The following DST variants were observed in gnomAD, a reference collection of about 807,000 sequenced individuals.
DST encodes the protein bullous pemphigoid antigen.
Under a neutral mutation model 875.2 loss-of-function variants are expected in DST, and 253 were observed. The observed-to-expected ratio is 0.29, with a 90% CI of 0.26 to 0.32. DST has a LOEUF of 0.32. DST is among the 10% of genes least tolerant of loss of function. The probability of loss-of-function intolerance (pLI) is 1.00; values close to 1 mark genes in which losing one functional copy is unlikely to be tolerated. For missense variants in DST, 8,287 were observed against 9,111.6 expected (o/e 0.91, Z 3.68); for synonymous variants, 3,124 against 3,197.1 (o/e 0.98, Z 0.77).
rs759634852 is a variant in DST at position 56,593,647 on chromosome 6, A to T, written c.12726+16T>A. 6.1e-6 allele frequency: 9 copies of T among 1,464,722 alleles called. No homozygotes were observed. The South Asian group carries it at 1.3e-4, about 21-fold the overall frequency. 90.7% of individuals were successfully genotyped at this position (1,464,722 alleles called of 1,614,324 possible). The stretch of plus-strand genomic sequence containing the variant: ...TGCAGATTGACTTTTCCCTTAAAAA[A>T]TCAAAATAACATTACCTTAGAGTAG... On this transcript the variant is annotated intron_variant, in intron 48 of 103. Transcript: ENST00000680361.
chr6:56,943,430 CTT>C (rs1408845257), intron 2 of DST, among the ~76,000 whole-genome samples: 8 of 135,946 alleles, frequency 5.9e-5, no homozygotes, highest in Admixed American at 7.3e-5. Context: ...TTTTCTTTTT[CTT>C]TTTTTTTTTT....
At chr6:56,615,633 A>T (rs146838373) in intron 36 of DST, 5 of 1,613,962 alleles carry the variant, frequency 3.1e-6, no homozygotes, top group Non-Finnish European at 3.4e-6. Context: ...TTATATGTCA[A>T]CTTTCTTTTT....
At chr6:56,488,109 A>G (rs560380288) in intron 86 of DST, among the ~76,000 whole-genome samples, 34 of 152,364 alleles carry the variant, frequency 2.2e-4, no homozygotes, top group Non-Finnish European at 2.9e-4. Context: ...CACAATTACA[A>G]TCACATTATT....
Position 56,497,901 on chromosome 6 carries a change from T to C in DST, c.20049A>G (p.Glu6683=), listed in dbSNP as rs746982969. 37 of 1,612,984 alleles carry C rather than the reference T, an allele frequency of 2.3e-5. No homozygotes were observed. The East Asian group carries it at 8.0e-4, about 35-fold the overall frequency. The change falls in exon 81 of 104, where the codon GAA becomes GAG. Residue 6683 remains glutamate (E), a synonymous_variant. Coordinates refer to ENST00000680361, the MANE Select transcript of DST (RefSeq NM_001374736.1). ...GCTGCTGCTTCCTTTGTTCTGTTTT[T>C]TCCAAAACATTTTGCCAGCGTTGAT... The part of the protein sequence containing the change: ...VLNQRWQNVL[E]KTEQRKQQLD...
chr6:56,950,134 G>A (rs753090037), intron 2 of DST, among the ~76,000 whole-genome samples: 2 of 152,206 alleles, frequency 1.3e-5, no homozygotes, highest in Non-Finnish European at 2.9e-5. Context: ...GATAATTCTT[G>A]TGTTACTCAG....
chr6:56,718,860 T>C (rs1403681359), intron 5 of DST, among the ~76,000 whole-genome samples: 1 of 152,176 alleles, frequency 6.6e-6, no homozygotes, highest in Non-Finnish European at 1.5e-5. Flanking sequence ...GACAAATCCA[T>C]TGATACGGAA....
intron 4 of DST, among the ~76,000 whole-genome samples, chr6:56,778,135 CTTCTACTAGCATAG>C (rs2099683156): frequency 6.6e-6 from 1 of 152,056 alleles, no homozygotes; most frequent in South Asian, 2.1e-4. Flanking sequence ...CCAAGGAGTG[CTTCTACTAGCATAG>C]TTCTTTAAGT....
At chr6:56,534,814 T>C (rs1332176586) in intron 63 of DST, among the ~76,000 whole-genome samples, 3 of 152,170 alleles carry the variant, frequency 2.0e-5, no homozygotes, top group African/African-American at 7.2e-5. Context: ...CTTGCTAACT[T>C]ATCACCATTC....
At chr6:56,633,128 T>A in intron 27 of DST, 91 bp from the exon 28 acceptor site, 1 of 952,430 alleles carries the variant, frequency 1.0e-6, no homozygotes, top group South Asian at 1.3e-5. Context: ...TATATGCCAA[T>A]CTAAACGAAT....
chr6:56,698,547 G>A (rs1218494186), intron 9 of DST, among the ~76,000 whole-genome samples: 1 of 152,134 alleles, frequency 6.6e-6, no homozygotes, highest in Non-Finnish European at 1.5e-5. Flanking sequence ...GGATGGTCTT[G>A]ATCTCCTGAC....
intron 13 of DST, among the ~76,000 whole-genome samples, 182 bp downstream of exon 13, chr6:56,648,388 T>A (rs2098956334): frequency 6.6e-6 from 1 of 152,194 alleles, no homozygotes; most frequent in South Asian, 2.1e-4. Flanking sequence ...GTTTTAATTG[T>A]TAATGTTTTA....
chr6:56,765,826 C>CT (rs1178121635), intron 4 of DST, among the ~76,000 whole-genome samples: 8 of 152,206 alleles, frequency 5.3e-5, no homozygotes, highest in Admixed American at 2.0e-4. Context: ...TTTTATTCAA[C>CT]TTTCCTAAGC....
chr6:56,707,501 G>A lies in DST; in HGVS notation c.688-3132C>T, dbSNP rs1171706059. Among the ~76,000 whole-genome samples the A allele has an allele frequency of 2.6e-5, 4 of 152,186 alleles. No homozygotes were observed. The East Asian group carries it at 7.7e-4, about 29-fold the overall frequency. On this transcript the variant is annotated intron_variant, in intron 5 of 103. Coordinates refer to ENST00000680361, the MANE Select transcript of DST (RefSeq NM_001374736.1). ...TTATTGTGCAGGTCTGATATCCTCA[G>A]TACACAGAAGGACAGTAGAATCCAA...
chr6:56,782,812 T>C (rs987695858), intron 4 of DST, among the ~76,000 whole-genome samples: 4 of 152,218 alleles, frequency 2.6e-5, no homozygotes, highest in African/African-American at 9.6e-5. Context: ...TTAATTGTGA[T>C]GTTAGGGTAT....
At position 56,844,512 on chromosome 6, in the gene DST, A is replaced by G. The variant is rs115449536; in HGVS notation, c.625+6885T>C. 9.0e-3 allele frequency among the ~76,000 whole-genome samples: 1,364 copies of G among 152,336 alleles called. 22 individuals are homozygous for G. The highest frequency in any genetic ancestry group is 0.031 in the African/African-American group (1,298 of 41,572). On this transcript the variant is annotated intron_variant, in intron 4 of 103. Transcript: ENST00000680361. ...ATTAGATATATGTGTATCATATACTAAAGTGGGTGAGTTTAAGCGTCCATT... is the reference window on the plus strand; with the variant it reads ...ATTAGATATATGTGTATCATATACTGAAGTGGGTGAGTTTAAGCGTCCATT...
intron 27 of DST, among the ~76,000 whole-genome samples, chr6:56,633,484 C>G (rs1276269852): frequency 6.6e-6 from 1 of 151,642 alleles, no homozygotes; most frequent in Non-Finnish European, 1.5e-5. Flanking sequence ...CCTCGGCCTC[C>G]CAAAGTGCTG....
intron 4 of DST, among the ~76,000 whole-genome samples, chr6:56,764,472 G>A (rs1157783464): frequency 2.6e-5 from 4 of 152,096 alleles, no homozygotes; most frequent in Admixed American, 6.6e-5. Context: ...CTGGCTGCAG[G>A]TGCGGTATGT....
chr6:56,572,820 T>C lies in DST; in HGVS notation c.13481A>G (p.Glu4494Gly). Reference sequence around the variant, plus strand: ...TTCAGTAAGAGCCTGAGTTTTTGTTTCTAAAAATGTCTGGAGCTTTTCTGA... The same window carrying C: ...TTCAGTAAGAGCCTGAGTTTTTGTTCCTAAAAATGTCTGGAGCTTTTCTGA... ...NLSEKLQTFL[E>G]TKTQALTEVD... is the part of the protein sequence containing the mutation. Residue 4494 changes from glutamate to glycine, a missense_variant, in exon 52 of 104, where the codon GAA becomes GGA. By Grantham distance (98) the Glu-to-Gly change is moderately conservative. Around this residue, in one of 10 missense-constraint regions of DST, gnomAD observed 1,513 missense variants for 1,677.8 expected, o/e 0.90. Transcript: ENST00000680361. The C allele has an allele frequency of 6.2e-7, 1 of 1,610,808 alleles. No individual in the cohort carries two copies.
intron 3 of DST, among the ~76,000 whole-genome samples, chr6:56,899,096 T>C (rs1470538827): frequency 6.6e-6 from 1 of 152,178 alleles, no homozygotes; most frequent in Non-Finnish European, 1.5e-5. Context: ...AGTTTCATTA[T>C]CCATAAAATG....
Sources: allele counts gnomAD v4.1 joint callset (sites outside exome capture counted in the v4.1 genomes callset), GRCh38; gene constraint gnomAD v4.1.1; regional missense constraint gnomAD v4.1.1; transcripts MANE v1.5; gene names NCBI Gene and HGNC (gene_info 2026-07-23, HGNC 2026-07-21).